CRTAC1: variants seen among roughly 807,000 people sequenced by gnomAD.
The protein encoded by CRTAC1 is cartilage acidic protein 1.
In CRTAC1, 37 loss-of-function variants were observed where a neutral mutation model predicts 67.8. The observed-to-expected ratio is 0.55, with a 90% CI of 0.42 to 0.72. CRTAC1 has a LOEUF of 0.72. Among genes scored for constraint, CRTAC1 ranks in the 30% least tolerant of loss-of-function variants. CRTAC1 has a pLI of 0.00. For synonymous variants in CRTAC1, 348 were observed against 371.0 expected (o/e 0.94, Z 0.71); for missense variants, 780 against 931.6 (o/e 0.84, Z 2.12).
chr10:97,975,268 T>A lies in CRTAC1; in HGVS notation c.224+35870A>T, dbSNP rs1370568912. On this transcript the variant is annotated intron_variant, in intron 2 of 14. Coordinates refer to ENST00000370597, the MANE Select transcript of CRTAC1 (RefSeq NM_018058.7). The surrounding 1 kb of genome is among the most constrained non-coding windows in gnomAD (Gnocchi z 4.8). Reference sequence around the variant, plus strand: ...CAGAGGGACCCGGGGCCCGGCTGACTGATGCGGCTGTCCTCAGCCCCCTCA... The same window carrying A: ...CAGAGGGACCCGGGGCCCGGCTGACAGATGCGGCTGTCCTCAGCCCCCTCA... 6.6e-6 allele frequency among the ~76,000 whole-genome samples: 1 copy of A among 152,086 alleles called. No homozygotes were observed. Among genetic ancestry groups the A allele is most frequent in the African/African-American group, 2.4e-5 (1 of 41,440 alleles).
chr10:98,015,237 T>A (rs1842973949), intron 1 of CRTAC1, among the ~76,000 whole-genome samples: 1 of 152,162 alleles, frequency 6.6e-6, no homozygotes, highest in Non-Finnish European at 1.5e-5. Context: ...CTAAGTGAAA[T>A]AAGCCAGTCG....
intron 2 of CRTAC1, 73 bp from the exon 3 acceptor site, chr10:97,936,439 C>A (rs545134967): frequency 3.8e-6 from 5 of 1,311,686 alleles, no homozygotes; most frequent in African/African-American, 1.5e-5. Context: ...ACCAGAGCAA[C>A]GGGCTGGGAG....
rs66795716 is a variant in CRTAC1 at position 97,894,711 on chromosome 10, C to CATATATATATAT, written c.1486+522_1486+533dup. On this transcript the variant is annotated intron_variant, in intron 11 of 14. Coordinates refer to ENST00000370597, the MANE Select transcript of CRTAC1 (RefSeq NM_018058.7). ...CTGTGCCCAGCCCCTGATGCTTTTA[C>CATATATATATAT]ATATATATATATATATATATATATA... 9.5e-4 allele frequency among the ~76,000 whole-genome samples: 57 copies of CATATATATATAT among 60,000 alleles called. 5 individuals are homozygous for CATATATATATAT. The highest frequency in any genetic ancestry group is 1.2e-3 in the Non-Finnish European group (36 of 30,336). 39.4% of individuals were successfully genotyped at this position (60,000 alleles called of 152,430 possible).
At chr10:97,883,504 G>A (rs895262807) in intron 12 of CRTAC1, among the ~76,000 whole-genome samples, 1 of 152,182 alleles carries the variant, frequency 6.6e-6, no homozygotes, top group South Asian at 2.1e-4. Flanking sequence ...TGATGAATGA[G>A]GTGGGTGGAT....
At chr10:97,949,213 A>G (rs534726462) in intron 2 of CRTAC1, among the ~76,000 whole-genome samples, 40 of 152,350 alleles carry the variant, frequency 2.6e-4, no homozygotes, top group African/African-American at 9.4e-4. Flanking sequence ...ACCACTTGCC[A>G]TGGTAAACAG....
chr10:97,904,398 C>T (rs1042827794), intron 7 of CRTAC1, among the ~76,000 whole-genome samples: 1 of 151,996 alleles, frequency 6.6e-6, no homozygotes, highest in Non-Finnish European at 1.5e-5. Flanking sequence ...GAGGGAGAGG[C>T]CCTTTCTTTT....
intron 11 of CRTAC1, among the ~76,000 whole-genome samples, chr10:97,894,301 A>C (rs146331950): frequency 6.6e-6 from 1 of 152,036 alleles, no homozygotes; most frequent in South Asian, 2.1e-4. Flanking sequence ...TATTGTTGCT[A>C]TTTTTAATTT....
chr10:97,908,919 G>A (rs112102025), intron 5 of CRTAC1, among the ~76,000 whole-genome samples: 4 of 152,182 alleles, frequency 2.6e-5, no homozygotes, highest in Non-Finnish European at 4.4e-5. Context: ...GGGAAAGGCC[G>A]CACCCCAAGC....
At chr10:97,976,403 T>C (rs2136658608) in intron 2 of CRTAC1, among the ~76,000 whole-genome samples, 1 of 152,342 alleles carries the variant, frequency 6.6e-6, no homozygotes, top group East Asian at 1.9e-4. Context: ...TTTCCTGATC[T>C]TGCTAGGCTT....
At position 98,029,611 on chromosome 10, in the gene CRTAC1, G is replaced by A. The variant is rs1402508290; in HGVS notation, c.24+838C>T. On this transcript the variant is annotated intron_variant, in intron 1 of 14. Coordinates refer to ENST00000370597, the MANE Select transcript of CRTAC1 (RefSeq NM_018058.7). This position sits in a 1 kb window ranked among gnomAD's most constrained non-coding sequence, Gnocchi z 4.7. The stretch of plus-strand genomic sequence containing the variant: ...TAGGAGAATTTCCCCGCCACTCTGG[G>A]AGGCTTCCATCCAGGCTGGGATGAC... Among the ~76,000 whole-genome samples, 1 of 152,112 alleles carries A rather than the reference G, an allele frequency of 6.6e-6. No individual in the cohort carries two copies. Among genetic ancestry groups the A allele is most frequent in the Non-Finnish European group, 1.5e-5 (1 of 68,020 alleles).
chr10:97,906,504 G>T (rs76896494), intron 6 of CRTAC1, among the ~76,000 whole-genome samples: 1 of 152,012 alleles, frequency 6.6e-6, no homozygotes, highest in African/African-American at 2.4e-5. Flanking sequence ...CTCTCCTCCC[G>T]CCTGATACCT....
intron 2 of CRTAC1, among the ~76,000 whole-genome samples, chr10:97,962,485 T>G (rs900309318): frequency 4.6e-5 from 7 of 152,216 alleles, no homozygotes; most frequent in Admixed American, 2.0e-4. Context: ...GGCTACTGAT[T>G]GTTGTTTGTT....
At chr10:97,917,273 G>T (rs1329850408) in intron 5 of CRTAC1, among the ~76,000 whole-genome samples, 2 of 152,164 alleles carry the variant, frequency 1.3e-5, no homozygotes, top group Non-Finnish European at 2.9e-5. Context: ...CCCCTCTTGG[G>T]TACCCCAAAA....
chr10:97,939,965 T>C (rs1372343573), intron 2 of CRTAC1, among the ~76,000 whole-genome samples: 1 of 152,164 alleles, frequency 6.6e-6, no homozygotes, highest in Non-Finnish European at 1.5e-5. Context: ...TCAGGAAGCA[T>C]GTGGAGTGGA....
intron 9 of CRTAC1, 69 bp downstream of exon 9, chr10:97,896,840 C>A: frequency 1.4e-6 from 1 of 730,586 alleles, no homozygotes; most frequent in South Asian, 1.8e-5. Flanking sequence ...CCGTCCCTCC[C>A]GCCCTCACCC....
At chr10:97,883,265 A>C (rs2136540990) in intron 12 of CRTAC1, among the ~76,000 whole-genome samples, 1 of 152,158 alleles carries the variant, frequency 6.6e-6, no homozygotes, top group East Asian at 1.9e-4. Flanking sequence ...CTTGTGTCCC[A>C]CCTCTCTGGC....
intron 14 of CRTAC1, 186 bp from the exon 15 acceptor site, chr10:97,865,900 C>A: frequency 1.2e-6 from 1 of 866,264 alleles, no homozygotes; most frequent in Non-Finnish European, 1.7e-6. Context: ...CCGTCTGGAT[C>A]AGTCCATTTC....
At chr10:97,873,197 G>A (rs1251090619) in intron 14 of CRTAC1, among the ~76,000 whole-genome samples, 2 of 152,126 alleles carry the variant, frequency 1.3e-5, no homozygotes, top group Non-Finnish European at 2.9e-5. Flanking sequence ...TGGATTTCAA[G>A]TCCATTTGAT....
At chr10:98,015,949 C>T (rs1842988142) in intron 1 of CRTAC1, among the ~76,000 whole-genome samples, 1 of 152,232 alleles carries the variant, frequency 6.6e-6, no homozygotes, top group Admixed American at 6.5e-5. Context: ...TAAGAACATT[C>T]TCCTCTGCCT....
Sources: allele counts gnomAD v4.1 joint callset (sites outside exome capture counted in the v4.1 genomes callset), GRCh38; gene constraint gnomAD v4.1.1; non-coding constraint Gnocchi (gnomAD v3.1); transcripts MANE v1.5; gene names NCBI Gene and HGNC (gene_info 2026-07-23, HGNC 2026-07-21).